Variants in THRB observed in about 807,000 individuals in gnomAD.
THRB encodes thyroid hormone receptor beta, also known as nuclear receptor subfamily 1 group A member 2.
A neutral mutation model predicts 47.8 loss-of-function variants in THRB; 12 were observed. The ratio of observed to expected loss-of-function variants is 0.25; its 90% CI spans 0.16 to 0.41. The LOEUF (loss-of-function observed/expected upper bound fraction) is 0.41. Among genes scored for constraint, THRB ranks in the 10% least tolerant of loss-of-function variants. The pLI is 1.00. For missense variants in THRB, 348 were observed against 589.2 expected, an observed-to-expected ratio of 0.59 and a Z score of 4.24; for synonymous variants, 218 against 212.2, an observed-to-expected ratio of 1.03 and a Z score of -0.24.
At chr3:24,265,275 T>G (rs1406394142) in intron 3 of THRB, among the ~76,000 whole-genome samples, 1 of 151,844 alleles carries the variant, frequency 6.6e-6, no homozygotes, top group African/African-American at 2.4e-5. Flanking sequence ...TCCTGGAGTT[T>G]GTTCACTGAA....
Position 24,141,286 on chromosome 3 carries a change from T to C in THRB, c.738+2215A>G, listed in dbSNP as rs2035408011. On this transcript the variant is annotated intron_variant, in intron 8 of 10. Transcript: ENST00000646209. ...AAGTGAACAGTGCAGACCTCAAGAC[T>C]GGTTCTAATGACTAGATATTGTGAC... Among the ~76,000 whole-genome samples, 2 of 152,248 alleles carry C rather than the reference T, an allele frequency of 1.3e-5. 1 individual carries two copies. The highest frequency in any genetic ancestry group is 4.1e-4 in the South Asian group (2 of 4,830).
intron 1 of THRB, chr3:24,458,515 C>T (rs1267358781): frequency 6.6e-6 from 1 of 152,196 alleles, no homozygotes; most frequent in Non-Finnish European, 1.5e-5. Flanking sequence ...ATTTTCGATT[C>T]TTTCAGTCCA....
At chr3:24,332,096 G>A (rs780470946) in intron 2 of THRB, among the ~76,000 whole-genome samples, 17 of 152,122 alleles carry the variant, frequency 1.1e-4, no homozygotes, top group South Asian at 2.1e-4. Context: ...ACTACGAGTC[G>A]GTAGATGAGA....
chr3:24,119,097 A>G lies in THRB; in HGVS notation c.*3787T>C, dbSNP rs1237013364. ...GGGCAAATCCTTACCTGGATAATAA[A>G]TATCTACATCACAGTACAATAAAAT... On this transcript the variant is annotated 3_prime_UTR_variant, in exon 11 of 11. Coordinates refer to ENST00000646209, the MANE Select transcript of THRB (RefSeq NM_001354712.2). 1.3e-5 allele frequency: 2 copies of G among 151,772 alleles called. No homozygotes were observed. Among genetic ancestry groups the G allele is most frequent in the East Asian group, 3.9e-4 (2 of 5,166 alleles). The allele number at this position is 151,772 out of a possible 1,614,324, so 9.4% of individuals were successfully genotyped here. A position where few individuals can be genotyped will look rare whatever the true frequency, so the allele number is the denominator to read the frequency against.
intron 1 of THRB, among the ~76,000 whole-genome samples, chr3:24,340,663 A>G (rs1576973350): frequency 6.6e-6 from 1 of 152,244 alleles, no homozygotes; most frequent in Non-Finnish European, 1.5e-5. Context: ...AAGTTAAAAT[A>G]TGGAACAAAT....
chr3:24,156,968 T>G (rs2037955512), intron 5 of THRB, among the ~76,000 whole-genome samples: 1 of 152,358 alleles, frequency 6.6e-6, no homozygotes, highest in African/African-American at 2.4e-5. Flanking sequence ...CCAAGCTTTA[T>G]ATCATGTTAA....
rs143074646 is a variant in THRB, at chr3:24,402,770, C to T, written c.-260-65399G>A. On this transcript the variant is annotated intron_variant, in intron 1 of 10. Transcript: ENST00000646209. ...ATGATGGCCAAATGACCATTATGGT[C>T]AACTCTTATAATTTTTGACCCAGAA... Among the ~76,000 whole-genome samples, 679 of 151,952 alleles carry T rather than the reference C, an allele frequency of 4.5e-3. 4 individuals are homozygous for T. The highest frequency in any genetic ancestry group is 0.015 in the African/African-American group (625 of 41,502).
chr3:24,271,475 C>T (rs1404639235), intron 3 of THRB, among the ~76,000 whole-genome samples: 1 of 152,108 alleles, frequency 6.6e-6, no homozygotes, highest in Non-Finnish European at 1.5e-5. Flanking sequence ...TTTTGCAGGG[C>T]AAAGAGAGGG....
At chr3:24,236,978 C>G (rs1399572712) in intron 3 of THRB, among the ~76,000 whole-genome samples, 1 of 152,136 alleles carries the variant, frequency 6.6e-6, no homozygotes, top group African/African-American at 2.4e-5. Flanking sequence ...TGTGATCCAC[C>G]TTTTGTATTC....
At chr3:24,262,435 T>A (rs534139012) in intron 3 of THRB, among the ~76,000 whole-genome samples, 1 of 152,348 alleles carries the variant, frequency 6.6e-6, no homozygotes, top group East Asian at 1.9e-4. Context: ...TGCCAAACCC[T>A]GCAATGGTTT....
At chr3:24,416,948 T>C (rs2068785730) in intron 1 of THRB, among the ~76,000 whole-genome samples, 1 of 151,920 alleles carries the variant, frequency 6.6e-6, no homozygotes, top group African/African-American at 2.4e-5. Flanking sequence ...TGGACTCAAT[T>C]TGTCCAATAA....
chr3:24,133,498 A>G (rs2034177657), intron 8 of THRB, 36 bp from the exon 9 acceptor site: 2 of 1,594,254 alleles, frequency 1.3e-6, no homozygotes, highest in East Asian at 4.5e-5. Flanking sequence ...TAAATGAAGA[A>G]GTTGAAGGGA....
intron 1 of THRB, among the ~76,000 whole-genome samples, chr3:24,416,482 A>G (rs2068741917): frequency 6.6e-6 from 1 of 151,844 alleles, no homozygotes; most frequent in African/African-American, 2.4e-5. Context: ...AAGGAGGAAC[A>G]AGGGCAAGAA....
chr3:24,243,772 A>G (rs1041412083), intron 3 of THRB, among the ~76,000 whole-genome samples: 1 of 152,170 alleles, frequency 6.6e-6, no homozygotes, highest in Non-Finnish European at 1.5e-5. Context: ...TTACGGGGAC[A>G]GGGATCTTTT....
At chr3:24,279,976 A>G (rs1162850719) in intron 3 of THRB, among the ~76,000 whole-genome samples, 3 of 152,178 alleles carry the variant, frequency 2.0e-5, no homozygotes, top group Non-Finnish European at 4.4e-5. Flanking sequence ...TATTCTGTGA[A>G]GGGGTCCATA....
At chr3:24,468,066 G>A (rs1285100142) in intron 1 of THRB, among the ~76,000 whole-genome samples, 1 of 152,176 alleles carries the variant, frequency 6.6e-6, no homozygotes, top group Non-Finnish European at 1.5e-5. Flanking sequence ...CATAGGCACT[G>A]GTGCTTCATC....
intron 1 of THRB, among the ~76,000 whole-genome samples, chr3:24,364,335 G>A (rs1285359465): frequency 6.6e-6 from 1 of 152,146 alleles, no homozygotes; most frequent in African/African-American, 2.4e-5. Context: ...CAACCTGAGT[G>A]AAGTCATGCA....
At chr3:24,359,152 C>A (rs887107797) in intron 1 of THRB, among the ~76,000 whole-genome samples, 1 of 152,104 alleles carries the variant, frequency 6.6e-6, no homozygotes, top group East Asian at 1.9e-4. Flanking sequence ...TTGGATGGTT[C>A]TTCTGCCTTC....
At chr3:24,178,097 A>T (rs555768276) in intron 5 of THRB, among the ~76,000 whole-genome samples, 33 of 152,324 alleles carry the variant, frequency 2.2e-4, no homozygotes, top group African/African-American at 6.7e-4. Flanking sequence ...ATTCACCTTT[A>T]GAGCATTGAA....
Sources: allele counts gnomAD v4.1 joint callset (sites outside exome capture counted in the v4.1 genomes callset), GRCh38; gene constraint gnomAD v4.1.1; transcripts MANE v1.5; gene names NCBI Gene and HGNC (gene_info 2026-07-23, HGNC 2026-07-21).